Variants in UBR1 observed in about 807,000 individuals in gnomAD.
UBR1 encodes ubiquitin protein ligase E3 component n-recognin 1.
A neutral mutation model predicts 242.1 loss-of-function variants in UBR1; 102 were observed. The ratio of observed to expected loss-of-function variants is 0.42; its 90% CI spans 0.36 to 0.50. UBR1 has a LOEUF of 0.50. Among genes scored for constraint, UBR1 ranks in the 20% least tolerant of loss-of-function variants. The pLI is 0.01. For synonymous variants in UBR1, 675 were observed against 684.8 expected, an observed-to-expected ratio of 0.99 and a Z score of 0.22; for missense variants, 1,772 against 2,101.8, an observed-to-expected ratio of 0.84 and a Z score of 3.07.
intron 29 of UBR1, among the ~76,000 whole-genome samples, chr15:43,008,104 A>G (rs2032861052): frequency 6.6e-6 from 1 of 152,188 alleles, no homozygotes; most frequent in Non-Finnish European, 1.5e-5. Context: ...CAATAATCCT[A>G]TGAGGTAGGT....
chr15:43,055,538 A>G (rs576050465), intron 11 of UBR1, among the ~76,000 whole-genome samples: 1 of 152,258 alleles, frequency 6.6e-6, no homozygotes, highest in Non-Finnish European at 1.5e-5. Context: ...CCTTACCCCA[A>G]TCTAAACTCT....
At chr15:43,098,955 C>A (rs1368026815) in intron 1 of UBR1, among the ~76,000 whole-genome samples, 1 of 152,118 alleles carries the variant, frequency 6.6e-6, no homozygotes, top group Non-Finnish European at 1.5e-5. Flanking sequence ...AATATAGATT[C>A]AAATTTCTAA....
At chr15:42,995,235 T>A (rs894132887) in intron 33 of UBR1, among the ~76,000 whole-genome samples, 8 of 152,164 alleles carry the variant, frequency 5.3e-5, no homozygotes, top group African/African-American at 1.9e-4. Context: ...AAAATCATGA[T>A]GTAAAACCAA....
intron 37 of UBR1, among the ~76,000 whole-genome samples, chr15:42,980,503 G>A (rs2032358833): frequency 2.0e-5 from 3 of 152,134 alleles, no homozygotes; most frequent in African/African-American, 7.2e-5. Context: ...TTTCCTTGAA[G>A]GATGGTGACT....
intron 21 of UBR1, among the ~76,000 whole-genome samples, chr15:43,029,698 A>C (rs1265499610): frequency 3.9e-5 from 6 of 152,222 alleles, no homozygotes. Flanking sequence ...CAGTTTCAGA[A>C]GTTCCCTTTC....
chr15:43,045,159 A>G (rs1330153311), intron 14 of UBR1, among the ~76,000 whole-genome samples: 1 of 152,190 alleles, frequency 6.6e-6, no homozygotes, highest in African/African-American at 2.4e-5. Context: ...AGGTCCATTT[A>G]AAATATTTTG....
chr15:43,077,272 T>A (rs1407109861), intron 3 of UBR1, among the ~76,000 whole-genome samples: 1 of 151,970 alleles, frequency 6.6e-6, no homozygotes, highest in African/African-American at 2.4e-5. Context: ...TGGATGGAAG[T>A]AGACATGGGA....
In UBR1 at chr15:43,047,212, C is replaced by T. The variant is rs2033496998; in HGVS notation, c.1617G>A (p.Gln539=). 6.2e-7 allele frequency: 1 copy of T among 1,614,034 alleles called. No individual in the cohort carries two copies. Among genetic ancestry groups the T allele is most frequent in the Non-Finnish European group, 8.5e-7 (1 of 1,180,026 alleles). The part of the protein sequence containing the change: ...DPDWEAAIAI[Q]MQLKNILLMF... ...TGAGTAAAATATTCTTCAATTGCAT[C>T]TGTATAGCAATGGCAGCCTCCCAAT... The change falls in exon 14 of 47, where the codon CAG becomes CAA. Residue 539 remains glutamine, a synonymous_variant. Coordinates refer to ENST00000290650, the MANE Select transcript of UBR1 (RefSeq NM_174916.3).
rs150176535 is a variant in UBR1, at chr15:43,105,965, G to C, written c.58C>G (p.Gln20Glu). The change falls in exon 1 of 47, where the codon CAG (glutamine) becomes GAG (glutamate). Residue 20 changes from glutamine (Q) to glutamate (E), a missense_variant. This residue lies in a region of UBR1 where 734 missense variants were observed against 893.3 expected (regional missense o/e 0.82). Coordinates refer to ENST00000290650, the MANE Select transcript of UBR1 (RefSeq NM_174916.3). ...ACAGATGCCAGACGCTGAGGGGTCT[G>C]GGGTAACTCCGCGCTGATTTCCATC... ...ERMEISAELP[Q>E]TPQRLASWWD... 214 of 1,614,022 alleles carry C rather than the reference G, an allele frequency of 1.3e-4. No individual in the cohort carries two copies. Among genetic ancestry groups the C allele is most frequent in the Non-Finnish European group, 1.3e-4 (150 of 1,180,000 alleles).
chr15:43,012,246 C>T (rs1280740974), intron 29 of UBR1, among the ~76,000 whole-genome samples: 1 of 150,830 alleles, frequency 6.6e-6, no homozygotes, highest in Non-Finnish European at 1.5e-5. Context: ...AAAAAAGAAT[C>T]TACATTATAG....
intron 29 of UBR1, among the ~76,000 whole-genome samples, chr15:43,010,981 C>T (rs1157791765): frequency 6.6e-6 from 1 of 151,792 alleles, no homozygotes; most frequent in Non-Finnish European, 1.5e-5. Context: ...CAAAGCAAGA[C>T]TCCATCTCAA....
chr15:42,963,887 T>A, intron 42 of UBR1, 48 bp downstream of exon 42: 1 of 1,448,728 alleles, frequency 6.9e-7, no homozygotes, highest in Non-Finnish European at 9.7e-7. Context: ...AATTTTAAAA[T>A]TTCAAATTGT....
chr15:43,060,441 G>A (rs551368482), intron 6 of UBR1, among the ~76,000 whole-genome samples: 74 of 152,280 alleles, frequency 4.9e-4, no homozygotes, highest in African/African-American at 1.7e-3. Context: ...CTTCTGCTAT[G>A]TATTTAAAAT....
At chr15:43,077,680 A>T (rs868359310) in intron 3 of UBR1, among the ~76,000 whole-genome samples, 1 of 151,622 alleles carries the variant, frequency 6.6e-6, no homozygotes, top group African/African-American at 2.4e-5. Context: ...AAAAAAATAA[A>T]AATAAAAATA....
At chr15:43,008,815 A>T (rs1251625094) in intron 29 of UBR1, among the ~76,000 whole-genome samples, 3 of 152,158 alleles carry the variant, frequency 2.0e-5, no homozygotes, top group African/African-American at 7.2e-5. Flanking sequence ...ACCCAATTCA[A>T]GTCTCCTGAC....
intron 1 of UBR1, 119 bp downstream of exon 1, chr15:43,105,823 T>A: frequency 1.0e-6 from 1 of 962,416 alleles, no homozygotes; most frequent in Non-Finnish European, 1.6e-6. Flanking sequence ...TCCTTCCAGA[T>A]CAATCCAGAT....
intron 30 of UBR1, among the ~76,000 whole-genome samples, chr15:43,005,411 T>C (rs796561677): frequency 0.058 from 437 of 7,476 alleles, no homozygotes; most frequent in Middle Eastern, 0.12. Context: ...CCGCCCTGTC[T>C]TGGAGGGAGG....
intron 29 of UBR1, among the ~76,000 whole-genome samples, chr15:43,010,219 T>C (rs1337638219): frequency 6.6e-6 from 1 of 151,950 alleles, no homozygotes; most frequent in African/African-American, 2.4e-5. Context: ...TGGTACCACC[T>C]CCTAGGAGGC....
intron 14 of UBR1, among the ~76,000 whole-genome samples, chr15:43,044,998 T>G (rs958150244): frequency 1.3e-5 from 2 of 152,172 alleles, no homozygotes; most frequent in Non-Finnish European, 2.9e-5. Context: ...CCCAGAACAT[T>G]TTTCCCTTCA....
Sources: gnomAD v4.1 joint callset for allele counts (sites outside exome capture counted in the v4.1 genomes callset) on GRCh38, gnomAD v4.1.1 for gene constraint, gnomAD v4.1.1 regional missense constraint, MANE v1.5 for transcripts, NCBI Gene and HGNC (gene_info 2026-07-23, HGNC 2026-07-21) for gene names.